The following R3HCC1L variants were observed in gnomAD, a reference collection of about 807,000 sequenced individuals.
R3HCC1L encodes R3H domain and coiled-coil containing 1 like.
Under a neutral mutation model 59.9 loss-of-function variants are expected in R3HCC1L, and 51 were observed. That is an observed-to-expected ratio of 0.85 (90% CI 0.68 to 1.07). R3HCC1L has a LOEUF of 1.07. Ranked by LOEUF, R3HCC1L falls within the 50% of genes least tolerant of loss-of-function variation. R3HCC1L has a pLI of 0.00. For missense variants in R3HCC1L, 965 were observed against 933.0 expected, an observed-to-expected ratio of 1.03 and a Z score of -0.45; for synonymous variants, 322 against 315.2, an observed-to-expected ratio of 1.02 and a Z score of -0.23.
In R3HCC1L at chr10:98,236,077, A is replaced by G. The variant is rs765897463; in HGVS notation, c.2182A>G (p.Arg728Gly). The G allele has an allele frequency of 1.9e-6, 3 of 1,614,010 alleles. No individual in the cohort carries two copies. Among genetic ancestry groups the G allele is most frequent in the Non-Finnish European group, 1.7e-6 (2 of 1,179,908 alleles). The stretch of plus-strand genomic sequence containing the variant: ...TGAGACTTCAGCAGCCCTAGCCAGA[A>G]GGTTAGTCATCAGTGCCCTTGGGGT... ...RPETSAALAR[R>G]LVISALGVRS... The change falls in exon 9 of 10, where the codon AGG (arginine) becomes GGG (glycine). Residue 728 changes from arginine to glycine, a missense_variant. Transcript: ENST00000298999.
chr10:98,223,839 A>G (rs562175262), intron 5 of R3HCC1L, among the ~76,000 whole-genome samples: 1 of 152,240 alleles, frequency 6.6e-6, no homozygotes, highest in South Asian at 2.1e-4. Flanking sequence ...GCTGATCCTT[A>G]GGCCTCCAGG....
intron 6 of R3HCC1L, 78 bp downstream of exon 6, chr10:98,231,765 T>G: frequency 7.4e-7 from 1 of 1,351,602 alleles, no homozygotes; most frequent in Non-Finnish European, 1.0e-6. Flanking sequence ...AAATCATCTC[T>G]TGTTTTTTAT....
At chr10:98,188,304 T>G (rs563012598) in intron 4 of R3HCC1L, among the ~76,000 whole-genome samples, 125 of 152,172 alleles carry the variant, frequency 8.2e-4, no homozygotes, top group Non-Finnish European at 1.5e-3. Flanking sequence ...AGCTTACAGT[T>G]TGGTATGGCA....
chr10:98,174,871 G>A (rs1189758585), intron 4 of R3HCC1L: 5 of 762,888 alleles, frequency 6.6e-6, no homozygotes, highest in East Asian at 1.3e-4. Context: ...ATTGATGTTC[G>A]TAATGTTATT....
chr10:98,211,982 A>G (rs1853633758), intron 5 of R3HCC1L, among the ~76,000 whole-genome samples: 1 of 152,168 alleles, frequency 6.6e-6, no homozygotes, highest in East Asian at 1.9e-4. Context: ...AACAGAGAAT[A>G]TAGTATTTTA....
At chr10:98,197,698 A>AAAAAG (rs1211485849) in intron 4 of R3HCC1L, among the ~76,000 whole-genome samples, 1 of 152,226 alleles carries the variant, frequency 6.6e-6, no homozygotes, top group East Asian at 1.9e-4. Flanking sequence ...ATACAAAGAC[A>AAAAAG]AAAAGAAACT....
Position 98,231,621 on chromosome 10 carries a change from T to G in R3HCC1L, c.1895T>G (p.Ile632Ser). The change falls in exon 6 of 10, where the codon ATT becomes AGT. Residue 632 changes from isoleucine to serine, a missense_variant. Transcript: ENST00000298999. ...AGTGATTGTGAATTCCCACATGTCA[T>G]TGAAATTTATGACTTTCCCCAAGAA... ...DLSDCEFPHVIEIYDFPQEFH... is the reference protein window; with the variant it reads ...DLSDCEFPHVSEIYDFPQEFH... The G allele has an allele frequency of 6.2e-7, 1 of 1,612,766 alleles. No homozygotes were observed.
intron 1 of R3HCC1L, among the ~76,000 whole-genome samples, chr10:98,137,375 G>A (rs1183419678): frequency 6.6e-6 from 1 of 152,202 alleles, no homozygotes; most frequent in African/African-American, 2.4e-5. Context: ...CTACAAAGAT[G>A]AAATGAGATG....
At chr10:98,165,961 C>G (rs774208028) in intron 4 of R3HCC1L, among the ~76,000 whole-genome samples, 1 of 152,192 alleles carries the variant, frequency 6.6e-6, no homozygotes, top group Non-Finnish European at 1.5e-5. Flanking sequence ...CACCTGAGGT[C>G]AGGAGTTCGA....
chr10:98,243,252 A>G (rs924547452), intron 9 of R3HCC1L, among the ~76,000 whole-genome samples: 8 of 152,198 alleles, frequency 5.3e-5, no homozygotes, highest in African/African-American at 1.9e-4. Context: ...GGCATTATCA[A>G]TTTGGAACAG....
chr10:98,215,348 T>C (rs554953112), intron 5 of R3HCC1L, among the ~76,000 whole-genome samples: 54 of 152,348 alleles, frequency 3.5e-4, no homozygotes, highest in Non-Finnish European at 6.2e-4. Flanking sequence ...CACAGTGCTT[T>C]TCCCTTAAAA....
chr10:98,166,813 G>A lies in R3HCC1L; in HGVS notation c.-15+3416G>A, dbSNP rs10786398. On this transcript the variant is annotated intron_variant, in intron 4 of 9. Coordinates refer to ENST00000298999, the MANE Select transcript of R3HCC1L (RefSeq NM_001351015.2). ...CCCGAGTAGCTGGGACTACAGGTGC[G>A]TGCCACCATGCCTGGCTAATTTTTT... Among the ~76,000 whole-genome samples the A allele has an allele frequency of 5.3e-5, 8 of 151,924 alleles. No individual in the cohort carries two copies. The East Asian group carries it at 1.5e-3, about 29-fold the overall frequency.
chr10:98,219,997 C>T lies in R3HCC1L; in HGVS notation c.1785+10098C>T, dbSNP rs141334437. 4.2e-4 allele frequency among the ~76,000 whole-genome samples: 64 copies of T among 152,248 alleles called. 1 individual carries two copies. The East Asian group carries it at 0.01, about 25-fold the overall frequency. Reference sequence around the variant, plus strand: ...TTTGTGCCTTTAGCCATCTCTTCTCCGGAACTCCCAAAATTTAAATATTTG... The same window carrying T: ...TTTGTGCCTTTAGCCATCTCTTCTCTGGAACTCCCAAAATTTAAATATTTG... On this transcript the variant is annotated intron_variant, in intron 5 of 9. Coordinates refer to ENST00000298999, the MANE Select transcript of R3HCC1L (RefSeq NM_001351015.2).
In R3HCC1L at chr10:98,225,892, G is replaced by A. The variant is rs116708200; in HGVS notation, c.1786-5620G>A. Among the ~76,000 whole-genome samples the A allele has an allele frequency of 3.9e-3, 586 of 152,156 alleles. 5 individuals carry two copies. The highest frequency in any genetic ancestry group is 0.013 in the African/African-American group (530 of 41,502). On this transcript the variant is annotated intron_variant, in intron 5 of 9. Transcript: ENST00000298999. ...TCTTGGCTCGGTAACCCAGGTTGGA[G>A]TGTAGTGGCACAGTCTTGGCTCACT...
At chr10:98,195,927 C>G (rs1237435881) in intron 4 of R3HCC1L, among the ~76,000 whole-genome samples, 1 of 152,146 alleles carries the variant, frequency 6.6e-6, no homozygotes, top group East Asian at 1.9e-4. Flanking sequence ...AGACTGAATT[C>G]AAATGACTGG....
chr10:98,178,501 G>A (rs1233273106), intron 4 of R3HCC1L, among the ~76,000 whole-genome samples: 1 of 152,130 alleles, frequency 6.6e-6, no homozygotes, highest in Non-Finnish European at 1.5e-5. Flanking sequence ...GTAGTGTGAT[G>A]CCTCCAGCTT....
chr10:98,220,529 T>TC, intron 5 of R3HCC1L, among the ~76,000 whole-genome samples: 1 of 96,060 alleles, frequency 1.0e-5, no homozygotes, highest in Non-Finnish European at 2.0e-5. Flanking sequence ...ATGCTATCCC[T>TC]CCCCCCACCC....
At chr10:98,145,534 T>G (rs904071714) in intron 1 of R3HCC1L, among the ~76,000 whole-genome samples, 6 of 152,220 alleles carry the variant, frequency 3.9e-5, no homozygotes, top group African/African-American at 1.4e-4. Flanking sequence ...AAAAATTGAT[T>G]AATCTAAATG....
chr10:98,244,270 A>G lies in R3HCC1L; in HGVS notation c.*112A>G. On this transcript the variant is annotated 3_prime_UTR_variant, in exon 10 of 10. Coordinates refer to ENST00000298999, the MANE Select transcript of R3HCC1L (RefSeq NM_001351015.2). ...ACATGCAGATGTGCATGTTAAAGAG[A>G]TAAAGTGATCGAGACAAGGACTGAC... 2.9e-6 allele frequency: 3 copies of G among 1,043,254 alleles called. No homozygotes were observed. In the South Asian group the frequency reaches 4.1e-5, roughly 14 times the overall value. 64.6% of individuals were successfully genotyped at this position (1,043,254 alleles called of 1,614,324 possible). A position where few individuals can be genotyped will look rare whatever the true frequency, so the allele number is the denominator to read the frequency against.
Sources: allele counts gnomAD v4.1 joint callset (sites outside exome capture counted in the v4.1 genomes callset), GRCh38; gene constraint gnomAD v4.1.1; transcripts MANE v1.5; gene names NCBI Gene and HGNC (gene_info 2026-07-23, HGNC 2026-07-21).